RASGRF2: variants seen among roughly 807,000 people sequenced by gnomAD.
RASGRF2 encodes Ras protein specific guanine nucleotide releasing factor 2.
In RASGRF2, 76 loss-of-function variants were observed where a neutral mutation model predicts 151.0. The observed-to-expected ratio is 0.50, with a 90% CI of 0.42 to 0.61. The LOEUF is 0.61. Ranked by LOEUF, RASGRF2 falls within the 20% of genes least tolerant of loss-of-function variation. The pLI is 0.00. For missense variants in RASGRF2, 1,148 were observed against 1,564.6 expected, an observed-to-expected ratio of 0.73 and a Z score of 4.49; for synonymous variants, 504 against 566.5, an observed-to-expected ratio of 0.89 and a Z score of 1.57.
At chr5:80,997,671 T>C (rs1235928193) in intron 1 of RASGRF2, 1 of 152,164 alleles carries the variant, frequency 6.6e-6, no homozygotes, top group African/African-American at 2.4e-5. Flanking sequence ...TCAGTGAATA[T>C]TTATTTTTAA....
chr5:81,217,646 C>G (rs1167615867), intron 25 of RASGRF2, among the ~76,000 whole-genome samples, 173 bp downstream of exon 25: 1 of 130,584 alleles, frequency 7.7e-6, no homozygotes, highest in Non-Finnish European at 1.5e-5. Context: ...GTGGCACGAT[C>G]TCTGCTCACT....
intron 2 of RASGRF2, among the ~76,000 whole-genome samples, chr5:81,046,677 TA>T: frequency 6.6e-6 from 1 of 152,284 alleles, no homozygotes; most frequent in South Asian, 2.1e-4. Context: ...ACATAAAAAA[TA>T]ACCTGATATT....
intron 1 of RASGRF2, among the ~76,000 whole-genome samples, chr5:81,037,094 C>G (rs1750525754): frequency 6.6e-6 from 1 of 152,140 alleles, no homozygotes; most frequent in Non-Finnish European, 1.5e-5. Context: ...ATTTACAAAA[C>G]TATCAGATCT....
At position 81,113,787 on chromosome 5, in the gene RASGRF2, ACACAC is replaced by A; in HGVS notation, c.2338_2342del (p.His780TrpfsTer27). On this transcript the variant is annotated frameshift_variant, in exon 15 of 27. Transcript: ENST00000265080. LOFTEE classifies it high-confidence loss of function. ...AGAGTCCCGCTGCGTCTCCACCACC[ACACAC>A]TGGTCAGATACCACTGGATCTCAGC... 6.2e-7 allele frequency: 1 copy of A among 1,614,044 alleles called. No individual in the cohort carries two copies. The highest frequency in any genetic ancestry group is 8.5e-7 in the Non-Finnish European group (1 of 1,180,006).
chr5:81,128,815 C>T (rs1428315409), intron 17 of RASGRF2, among the ~76,000 whole-genome samples: 2 of 152,072 alleles, frequency 1.3e-5, no homozygotes, highest in Non-Finnish European at 2.9e-5. Context: ...CTCTCACGTG[C>T]AAGGAGGATA....
chr5:81,201,938 A>G (rs1425160677), intron 19 of RASGRF2, among the ~76,000 whole-genome samples: 1 of 152,102 alleles, frequency 6.6e-6, no homozygotes, highest in African/African-American at 2.4e-5. Flanking sequence ...ACAGCTTGTC[A>G]GTTTAGGATT....
At chr5:81,051,213 G>A (rs1188232253) in intron 2 of RASGRF2, among the ~76,000 whole-genome samples, 1 of 151,882 alleles carries the variant, frequency 6.6e-6, no homozygotes. Context: ...TTTTTGTCTT[G>A]TAGTTATACC....
intron 17 of RASGRF2, among the ~76,000 whole-genome samples, chr5:81,169,210 C>T (rs185901282): frequency 4.0e-4 from 61 of 152,358 alleles, no homozygotes; most frequent in Admixed American, 1.2e-3. Context: ...GTGGTATCAT[C>T]ATCTACCCAG....
intron 9 of RASGRF2, among the ~76,000 whole-genome samples, chr5:81,090,775 T>C (rs1752367487): frequency 6.6e-6 from 1 of 152,216 alleles, no homozygotes; most frequent in South Asian, 2.1e-4. Flanking sequence ...TATTCTGTAA[T>C]TTCTTTCTAA....
At chr5:81,122,433 T>C (rs1753335050) in intron 15 of RASGRF2, among the ~76,000 whole-genome samples, 1 of 152,238 alleles carries the variant, frequency 6.6e-6, no homozygotes, top group South Asian at 2.1e-4. Context: ...ACTGTAATTA[T>C]GTCATTCAGA....
intron 17 of RASGRF2, among the ~76,000 whole-genome samples, chr5:81,163,323 C>G (rs558045545): frequency 6.6e-6 from 1 of 152,134 alleles, no homozygotes; most frequent in African/African-American, 2.4e-5. Flanking sequence ...TGAGCCCTCA[C>G]GCCCCAAAGT....
intron 19 of RASGRF2, among the ~76,000 whole-genome samples, chr5:81,206,387 A>T (rs1212295416): frequency 6.6e-6 from 1 of 152,108 alleles, no homozygotes; most frequent in East Asian, 1.9e-4. Flanking sequence ...TGGTCTACGT[A>T]AGCTTGAGAA....
At chr5:81,104,920 A>G (rs552707421) in intron 12 of RASGRF2, among the ~76,000 whole-genome samples, 8 of 152,304 alleles carry the variant, frequency 5.3e-5, no homozygotes, top group South Asian at 2.1e-4. Flanking sequence ...TGGGTTACAC[A>G]TCGTGGCTTG....
At chr5:81,075,417 G>A (rs868856049) in intron 5 of RASGRF2, among the ~76,000 whole-genome samples, 2 of 152,186 alleles carry the variant, frequency 1.3e-5, no homozygotes, top group South Asian at 4.1e-4. Flanking sequence ...AGCGGGCTAG[G>A]TGTGGAAAGG....
At chr5:81,034,724 T>C (rs1409936770) in intron 1 of RASGRF2, among the ~76,000 whole-genome samples, 2 of 146,934 alleles carry the variant, frequency 1.4e-5, no homozygotes, top group Admixed American at 1.4e-4. Flanking sequence ...CCGCATATTC[T>C]CACTCATAGG....
intron 17 of RASGRF2, among the ~76,000 whole-genome samples, chr5:81,161,346 A>ATC (rs1754379165): frequency 6.6e-6 from 1 of 152,234 alleles, no homozygotes; most frequent in African/African-American, 2.4e-5. Context: ...CTTGCTGGTG[A>ATC]CAGAGTTGGT....
At chr5:81,137,141 G>A (rs1753773669) in intron 17 of RASGRF2, among the ~76,000 whole-genome samples, 1 of 152,074 alleles carries the variant, frequency 6.6e-6, no homozygotes, top group Non-Finnish European at 1.5e-5. Flanking sequence ...TGTGCTTTAA[G>A]TATGCATACA....
intron 22 of RASGRF2, among the ~76,000 whole-genome samples, chr5:81,210,652 TTATC>T (rs1755610387): frequency 1.5e-4 from 23 of 152,194 alleles, no homozygotes; most frequent in Admixed American, 1.5e-3. Context: ...GTCAATCTAA[TTATC>T]TACCTCCCTT....
At chr5:80,978,175 A>C (rs913313692) in intron 1 of RASGRF2, among the ~76,000 whole-genome samples, 1 of 152,176 alleles carries the variant, frequency 6.6e-6, no homozygotes, top group African/African-American at 2.4e-5. Context: ...ATTGATATTT[A>C]TGCTTTAAAA....
Sources: allele counts gnomAD v4.1 joint callset (sites outside exome capture counted in the v4.1 genomes callset), GRCh38; gene constraint gnomAD v4.1.1; transcripts MANE v1.5; gene names NCBI Gene and HGNC (gene_info 2026-07-23, HGNC 2026-07-21).